The following CCDC138 variants were observed in gnomAD, a reference collection of about 807,000 sequenced individuals.
The protein encoded by CCDC138 is coiled-coil domain containing 138.
In CCDC138, 66 loss-of-function variants were observed where a neutral mutation model predicts 82.3. The observed-to-expected ratio is 0.80, with a 90% confidence interval of 0.66 to 0.98. CCDC138 has a LOEUF of 0.98. CCDC138 is among the 50% of genes least tolerant of loss of function. The probability of loss-of-function intolerance (pLI) is 0.00; values close to 1 mark genes in which losing one functional copy is unlikely to be tolerated. For missense variants in CCDC138, 816 were observed against 758.9 expected (o/e 1.08, Z -0.88); for synonymous variants, 297 against 265.4 (o/e 1.12, Z -1.16).
At chr2:108,788,744 TTGAG>T (rs1679391032) in intron 2 of CCDC138, 104 bp from the exon 3 acceptor site, 17 of 1,443,402 alleles carry the variant, frequency 1.2e-5, no homozygotes, top group Admixed American at 2.5e-5. Context: ...AAAAAAAAAT[TTGAG>T]AGAGAAGATT....
At chr2:108,836,763 A>G (rs747952212) in intron 10 of CCDC138, among the ~76,000 whole-genome samples, 9 of 152,026 alleles carry the variant, frequency 5.9e-5, no homozygotes, top group Non-Finnish European at 8.8e-5. Context: ...TTTTTAGTGT[A>G]TAAGTTTTTT....
chr2:108,804,899 C>T lies in CCDC138; in HGVS notation c.746C>T (p.Ala249Val), dbSNP rs1682593661. 1 of 1,550,676 alleles carries T rather than the reference C, an allele frequency of 6.4e-7. No homozygotes were observed. Among genetic ancestry groups the T allele is most frequent in the Non-Finnish European group, 8.7e-7 (1 of 1,155,858 alleles). Residue 249 changes from alanine (A) to valine (V), a missense_variant, in exon 7 of 15, where the codon GCA becomes GTA. Physicochemically the swap from Ala to Val is moderately conservative, Grantham distance 64. Coordinates refer to ENST00000295124, the MANE Select transcript of CCDC138 (RefSeq NM_144978.3). ...TTTTTCTCCTCCTAGCAGCATGATG[C>T]AGAAGTTGAACACTTAACCGAAGTT... Reference protein sequence around the residue: ...RFQIIKEQHDAEVEHLTEVLK... With the variant: ...RFQIIKEQHDVEVEHLTEVLK...
chr2:108,849,413 T>C (rs767243525), intron 12 of CCDC138, among the ~76,000 whole-genome samples: 2 of 152,154 alleles, frequency 1.3e-5, no homozygotes, highest in African/African-American at 2.4e-5. Flanking sequence ...CTCCTCTAGA[T>C]ACATGTGTGC....
At chr2:108,822,659 A>G (rs1043631033) in intron 10 of CCDC138, among the ~76,000 whole-genome samples, 5 of 152,254 alleles carry the variant, frequency 3.3e-5, no homozygotes, top group African/African-American at 9.6e-5. Flanking sequence ...TATAAAATCC[A>G]CAAATATGTG....
intron 5 of CCDC138, among the ~76,000 whole-genome samples, chr2:108,795,590 A>G (rs1228939921): frequency 3.3e-5 from 5 of 152,254 alleles, no homozygotes; most frequent in African/African-American, 1.2e-4. Flanking sequence ...CTTTAAAACC[A>G]GTATTTCGTT....
downstream of CCDC138, among the ~76,000 whole-genome samples, chr2:108,880,230 A>C (rs1341016753): frequency 6.6e-6 from 1 of 152,002 alleles, no homozygotes; most frequent in Non-Finnish European, 1.5e-5. Context: ...CAAACAAAAA[A>C]AAAAACGAGA....
chr2:108,790,231 G>A (rs1049455421), intron 3 of CCDC138, among the ~76,000 whole-genome samples: 1 of 152,168 alleles, frequency 6.6e-6, no homozygotes, highest in Non-Finnish European at 1.5e-5. Flanking sequence ...TACGTTGAAT[G>A]TAGGGTAAGG....
At position 108,835,039 on chromosome 2, in the gene CCDC138, A is replaced by C. The variant is rs976242621; in HGVS notation, c.1207-4146A>C. ...TGTTTTGCACTTGCATTGAGATTCAAATAATGCTGCTAGAACTGTAGTTTG... is the reference window on the plus strand; with the variant it reads ...TGTTTTGCACTTGCATTGAGATTCACATAATGCTGCTAGAACTGTAGTTTG... On this transcript the variant is annotated intron_variant, in intron 10 of 14. Coordinates refer to ENST00000295124, the MANE Select transcript of CCDC138 (RefSeq NM_144978.3). Among the ~76,000 whole-genome samples the C allele has an allele frequency of 2.0e-5, 3 of 152,360 alleles. No homozygotes were observed. In the East Asian group the frequency reaches 5.8e-4, roughly 29 times the overall value.
chr2:108,793,594 GT>G (rs1680315189), intron 4 of CCDC138, among the ~76,000 whole-genome samples: 1 of 150,162 alleles, frequency 6.7e-6, no homozygotes, highest in Non-Finnish European at 1.5e-5. Flanking sequence ...ACTTTTTTTT[GT>G]TTTGTTTTGT....
intron 13 of CCDC138, among the ~76,000 whole-genome samples, chr2:108,864,562 C>T (rs1348137459): frequency 6.6e-6 from 1 of 151,980 alleles, no homozygotes; most frequent in Admixed American, 6.5e-5. Context: ...CTTTGGGAGG[C>T]CAAGGCGGGC....
At chr2:108,816,610 T>G (rs1684854737) in intron 10 of CCDC138, among the ~76,000 whole-genome samples, 1 of 152,208 alleles carries the variant, frequency 6.6e-6, no homozygotes, top group Non-Finnish European at 1.5e-5. Context: ...CCAGTCCAGT[T>G]CCCATGATAA....
At chr2:108,804,171 TAATTC>T in intron 6 of CCDC138, among the ~76,000 whole-genome samples, 1 of 152,294 alleles carries the variant, frequency 6.6e-6, no homozygotes, top group Non-Finnish European at 1.5e-5. Context: ...AGAAGGGAAT[TAATTC>T]AATTTTTTGA....
intron 13 of CCDC138, among the ~76,000 whole-genome samples, chr2:108,865,166 C>T (rs1197430838): frequency 6.6e-6 from 1 of 151,954 alleles, no homozygotes; most frequent in African/African-American, 2.4e-5. Context: ...ATATTATGAT[C>T]AGCATTATAT....
Position 108,804,999 on chromosome 2 carries a change from A to T in CCDC138, c.846A>T (p.Leu282Phe), listed in dbSNP as rs1302906847. 6.6e-7 allele frequency: 1 copy of T among 1,525,868 alleles called. No homozygotes were observed. Among genetic ancestry groups the T allele is most frequent in the Non-Finnish European group, 8.8e-7 (1 of 1,139,798 alleles). 94.5% of individuals were successfully genotyped at this position (1,525,868 alleles called of 1,614,324 possible). A position where few individuals can be genotyped will look rare whatever the true frequency, so the allele number is the denominator to read the frequency against. The change falls in exon 7 of 15, where the codon TTA (leucine) becomes TTT (phenylalanine). Residue 282 changes from leucine (L) to phenylalanine (F), a missense_variant. Leu to Phe is a conservative substitution (Grantham distance 22). Coordinates refer to ENST00000295124, the MANE Select transcript of CCDC138 (RefSeq NM_144978.3). ...FDALKELNDT[L>F]KKQLNEASEE... ...CATTGAAAGAATTGAATGATACCTT[A>T]AAAAAACAGGTAAGACCTGTTTTAA...
downstream of CCDC138, among the ~76,000 whole-genome samples, chr2:108,879,025 T>C (rs9636370): frequency 0.73 from 110,269 of 151,826 alleles, 42,828 homozygotes; most frequent in East Asian, 0.95. Context: ...AAGTTCTTTA[T>C]GGTCATGTTC....
At chr2:108,852,484 A>G (rs1289875011) in intron 12 of CCDC138, among the ~76,000 whole-genome samples, 1 of 152,238 alleles carries the variant, frequency 6.6e-6, no homozygotes, top group Non-Finnish European at 1.5e-5. Flanking sequence ...CACAATAGCA[A>G]AGTCACGGAA....
chr2:108,794,843 G>A, intron 5 of CCDC138, 122 bp downstream of exon 5: 1 of 748,052 alleles, frequency 1.3e-6, no homozygotes. Flanking sequence ...TCAAGAGAAG[G>A]ACGGAAGGGG....
At chr2:108,863,648 C>T (rs928427333) in intron 13 of CCDC138, among the ~76,000 whole-genome samples, 18 of 152,074 alleles carry the variant, frequency 1.2e-4, no homozygotes, top group African/African-American at 4.1e-4. Context: ...TCTACATAAC[C>T]TTTGTTTTTA....
intron 13 of CCDC138, among the ~76,000 whole-genome samples, chr2:108,868,396 A>C (rs1334879658): frequency 6.6e-6 from 1 of 152,168 alleles, no homozygotes; most frequent in Non-Finnish European, 1.5e-5. Flanking sequence ...ATTAACTATA[A>C]ATTTATGTAA....
Sources: gnomAD v4.1 joint callset for allele counts (sites outside exome capture counted in the v4.1 genomes callset) on GRCh38, gnomAD v4.1.1 for gene constraint, MANE v1.5 for transcripts, NCBI Gene and HGNC (gene_info 2026-07-23, HGNC 2026-07-21) for gene names.